The following PARD3B variants were observed in gnomAD, a reference collection of about 807,000 sequenced individuals.
PARD3B encodes the protein partitioning defective 3 homolog B.
PARD3B carries 103 observed loss-of-function variants against 130.2 expected under a neutral mutation model. The ratio of observed to expected loss-of-function variants is 0.79; its 90% CI spans 0.67 to 0.93. The LOEUF (loss-of-function observed/expected upper bound fraction) is 0.93, where lower values mean the gene tolerates loss of function less well. Among genes scored for constraint, PARD3B ranks in the 40% least tolerant of loss-of-function variants. The probability of loss-of-function intolerance (pLI) is 0.00; values close to 1 mark genes in which losing one functional copy is unlikely to be tolerated. For missense variants in PARD3B, 1,609 were observed against 1,499.2 expected (o/e 1.07, Z -1.21); for synonymous variants, 583 against 553.2 (o/e 1.05, Z -0.76).
rs557143420 is a variant in PARD3B, at chr2:204,820,071, C to CTTTT, written c.222+133807_222+133810dup. The stretch of plus-strand genomic sequence containing the variant: ...GAAGGTGGCTACATTAAACAATAGA[C>CTTTT]TTTTTTTTTTTTTTTTTTTTTGAGA... On this transcript the variant is annotated intron_variant, in intron 2 of 22. Coordinates refer to ENST00000406610, the MANE Select transcript of PARD3B (RefSeq NM_001302769.2). Among the ~76,000 whole-genome samples the CTTTT allele has an allele frequency of 3.9e-3, 388 of 98,386 alleles. 49 individuals carry two copies. The highest frequency in any genetic ancestry group is 0.016 in the African/African-American group (350 of 22,414). 64.5% of individuals were successfully genotyped at this position (98,386 alleles called of 152,430 possible).
At chr2:205,504,701 C>T (rs1415640053) in intron 21 of PARD3B, among the ~76,000 whole-genome samples, 2 of 152,218 alleles carry the variant, frequency 1.3e-5, no homozygotes, top group Admixed American at 6.5e-5. Context: ...TGCCATCTCA[C>T]ACCAGTTAGA....
rs2048399180 is a variant in PARD3B at position 205,460,077 on chromosome 2, T to A, written c.3044+19405T>A. 6.6e-6 allele frequency among the ~76,000 whole-genome samples: 1 copy of A among 152,104 alleles called. No individual in the cohort carries two copies. Among genetic ancestry groups the A allele is most frequent in the African/African-American group, 2.4e-5 (1 of 41,426 alleles). The stretch of plus-strand genomic sequence containing the variant: ...TAGGAACATTACAGTACCAGAAGAC[T>A]TGGATGTGCTTAATTCCAGTTTAGA... On this transcript the variant is annotated intron_variant, in intron 20 of 22. Transcript: ENST00000406610. The surrounding 1 kb of genome is among the most constrained non-coding windows in gnomAD (Gnocchi z 4.9).
At chr2:205,482,962 T>A (rs2049301301) in intron 20 of PARD3B, among the ~76,000 whole-genome samples, 1 of 152,058 alleles carries the variant, frequency 6.6e-6, no homozygotes, top group African/African-American at 2.4e-5. Flanking sequence ...TCCTCCCAGC[T>A]GTGAGCGGCT....
intron 15 of PARD3B, among the ~76,000 whole-genome samples, chr2:205,217,844 ATGTG>A (rs747500423): frequency 0.049 from 4,305 of 87,978 alleles, 355 homozygotes; most frequent in East Asian, 0.17. Flanking sequence ...ATGTGTGTAT[ATGTG>A]TGTGTGTGTG....
rs1304080380 is a variant in PARD3B, at chr2:205,572,684, GCAGTGAGCTGAGATCATGCCATTGCACT to G, written c.3260+19283_3260+19310del. Among the ~76,000 whole-genome samples, 2 of 152,166 alleles carry G rather than the reference GCAGTGAGCTGAGATCATGCCATTGCACT, an allele frequency of 1.3e-5. No homozygotes were observed. Among genetic ancestry groups the G allele is most frequent in the Non-Finnish European group, 2.9e-5 (2 of 68,028 alleles). On this transcript the variant is annotated intron_variant, in intron 22 of 22. Transcript: ENST00000406610. This position sits in a 1 kb window ranked among gnomAD's most constrained non-coding sequence, Gnocchi z 4.2. The stretch of plus-strand genomic sequence containing the variant: ...TGCTTGAACCCAGAAGGTGGAGGTT[GCAGTGAGCTGAGATCATGCCATTGCACT>G]CCAGCCTGGACAACAGAGGGAGAAC...
intron 1 of PARD3B, among the ~76,000 whole-genome samples, chr2:204,560,077 T>A (rs2031212363): frequency 6.6e-6 from 1 of 152,032 alleles, no homozygotes. Flanking sequence ...TTGGGAGAAA[T>A]ACCTAATGTA....
chr2:205,191,225 T>G (rs903421878), intron 14 of PARD3B, among the ~76,000 whole-genome samples: 2 of 152,142 alleles, frequency 1.3e-5, no homozygotes, highest in African/African-American at 4.8e-5. Flanking sequence ...AAGAAAAGGA[T>G]TCTTAATAGC....
intron 21 of PARD3B, among the ~76,000 whole-genome samples, chr2:205,549,178 T>G (rs1202901055): frequency 6.6e-6 from 1 of 152,182 alleles, no homozygotes; most frequent in Non-Finnish European, 1.5e-5. Context: ...TCTCATTTGT[T>G]GAATTCTGGT....
At chr2:205,493,910 A>G (rs909088904) in intron 20 of PARD3B, among the ~76,000 whole-genome samples, 1 of 151,902 alleles carries the variant, frequency 6.6e-6, no homozygotes, top group African/African-American at 2.4e-5. Context: ...GGTGCATGCC[A>G]CCATACCAGC....
chr2:204,726,764 ACTTTT>A (rs1237648374), intron 2 of PARD3B, among the ~76,000 whole-genome samples: 1 of 152,160 alleles, frequency 6.6e-6, no homozygotes, highest in Non-Finnish European at 1.5e-5. Context: ...CTTGCTGGAA[ACTTTT>A]CTTTTTAACT....
intron 3 of PARD3B, among the ~76,000 whole-genome samples, chr2:205,031,832 A>C (rs1332844839): frequency 6.6e-6 from 1 of 152,178 alleles, no homozygotes; most frequent in East Asian, 1.9e-4. Flanking sequence ...TGGGGGAAAA[A>C]ATAAAATAAG....
chr2:205,377,135 C>T (rs1239723634), intron 18 of PARD3B, among the ~76,000 whole-genome samples: 1 of 151,940 alleles, frequency 6.6e-6, no homozygotes, highest in African/African-American at 2.4e-5. Flanking sequence ...GTAAGGACCA[C>T]CAGCAAAGCC....
intron 1 of PARD3B, among the ~76,000 whole-genome samples, chr2:204,634,091 A>AT (rs886590904): frequency 2.6e-5 from 4 of 151,930 alleles, no homozygotes; most frequent in African/African-American, 9.7e-5. Flanking sequence ...CTTTCTAACT[A>AT]TTTTTTTGTA....
At chr2:205,442,343 G>A (rs918313721) in intron 20 of PARD3B, among the ~76,000 whole-genome samples, 7 of 131,106 alleles carry the variant, frequency 5.3e-5, no homozygotes, top group African/African-American at 1.6e-4. Context: ...CTGTCGACCA[G>A]GCTGGAGTGC....
chr2:205,454,521 A>G (rs766821806), intron 20 of PARD3B, among the ~76,000 whole-genome samples: 4 of 152,126 alleles, frequency 2.6e-5, no homozygotes, highest in African/African-American at 4.8e-5. Flanking sequence ...CCATCCAGAA[A>G]TGGAATTCAG....
At chr2:205,350,045 T>C (rs941811201) in intron 18 of PARD3B, among the ~76,000 whole-genome samples, 1 of 152,186 alleles carries the variant, frequency 6.6e-6, no homozygotes, top group Non-Finnish European at 1.5e-5. Context: ...CCTTCAGCTC[T>C]ATCCCAACAT....
chr2:204,645,399 G>T (rs1445582099), intron 1 of PARD3B, among the ~76,000 whole-genome samples: 1 of 152,034 alleles, frequency 6.6e-6, no homozygotes, highest in Non-Finnish European at 1.5e-5. Context: ...AATTATTCAA[G>T]AGAAAAATTA....
chr2:205,189,867 AG>A (rs74453891), intron 14 of PARD3B, among the ~76,000 whole-genome samples: 1 of 151,770 alleles, frequency 6.6e-6, no homozygotes, highest in Non-Finnish European at 1.5e-5. Flanking sequence ...ACCGCAGCAA[AG>A]GGGGGGCCCT....
intron 3 of PARD3B, among the ~76,000 whole-genome samples, chr2:205,016,798 A>G (rs1178834771): frequency 1.3e-5 from 2 of 151,966 alleles, no homozygotes; most frequent in Non-Finnish European, 2.9e-5. Context: ...ACTCAACTGA[A>G]CTCCTGATTC....
Sources: allele counts gnomAD v4.1 joint callset (sites outside exome capture counted in the v4.1 genomes callset), GRCh38; gene constraint gnomAD v4.1.1; non-coding constraint Gnocchi (gnomAD v3.1); transcripts MANE v1.5; gene names NCBI Gene and HGNC (gene_info 2026-07-23, HGNC 2026-07-21).